The following MSI2 variants were observed in gnomAD, a reference collection of about 807,000 sequenced individuals.
MSI2 encodes the protein RNA-binding protein Musashi homolog 2.
MSI2 carries 17 observed loss-of-function variants against 45.6 expected under a neutral mutation model. The ratio of observed to expected loss-of-function variants is 0.37; its 90% CI spans 0.26 to 0.56. MSI2 has a LOEUF of 0.56. Among genes scored for constraint, MSI2 ranks in the 20% least tolerant of loss-of-function variants. The pLI is 0.77. For missense variants in MSI2, 293 were observed against 444.2 expected, an observed-to-expected ratio of 0.66 and a Z score of 3.06; for synonymous variants, 156 against 158.2, an observed-to-expected ratio of 0.99 and a Z score of 0.11.
At chr17:57,572,022 A>C (rs1421560009) in intron 7 of MSI2, among the ~76,000 whole-genome samples, 1 of 152,178 alleles carries the variant, frequency 6.6e-6, no homozygotes. Flanking sequence ...TCTGTGCTTC[A>C]GTGGGTGTGG....
chr17:57,371,914 T>C (rs1383681185), intron 5 of MSI2, among the ~76,000 whole-genome samples: 1 of 151,232 alleles, frequency 6.6e-6, no homozygotes, highest in Non-Finnish European at 1.5e-5. Context: ...ATATGAGATA[T>C]ATAATCTCCT....
chr17:57,439,900 G>T (rs1484246014), intron 6 of MSI2, among the ~76,000 whole-genome samples: 2 of 152,034 alleles, frequency 1.3e-5, no homozygotes, highest in African/African-American at 4.8e-5. Flanking sequence ...GAAGAGAATT[G>T]AGAAATTCCT....
rs1913647865 is a variant in MSI2 at position 57,682,248 on chromosome 17, G to C, written c.*2731G>C. The C allele has an allele frequency of 5.4e-6, 1 of 186,846 alleles. No individual in the cohort carries two copies. The highest frequency in any genetic ancestry group is 2.0e-4 in the South Asian group (1 of 4,992). 11.6% of individuals were successfully genotyped at this position (186,846 alleles called of 1,614,324 possible). On this transcript the variant is annotated 3_prime_UTR_variant, in exon 14 of 14. Transcript: ENST00000284073. ...AGTTTAATTTTATTTTAGCTGATCT[G>C]ATGTGGTTTCAACTAACCCAAGGTC... is the stretch of plus-strand genomic sequence containing the variant.
At chr17:57,487,969 C>G (rs926437669) in intron 6 of MSI2, among the ~76,000 whole-genome samples, 5 of 151,948 alleles carry the variant, frequency 3.3e-5, no homozygotes, top group African/African-American at 4.8e-5. Context: ...CATCATGTCA[C>G]TAGATGGTGA....
chr17:57,551,789 C>T lies in MSI2; in HGVS notation c.454+22065C>T, dbSNP rs567511892. ...GGAAGGAAGGGATTTAAAAAGATCA[C>T]GGGCGTGAAAGCTGGAAACAGTGGC... On this transcript the variant is annotated intron_variant, in intron 7 of 13. Transcript: ENST00000284073. Among the ~76,000 whole-genome samples, 296 of 152,296 alleles carry T rather than the reference C, an allele frequency of 1.9e-3. 1 individual carries two copies. Among genetic ancestry groups the T allele is most frequent in the African/African-American group, 6.7e-3 (280 of 41,558 alleles).
intron 6 of MSI2, chr17:57,444,571 A>C: frequency 6.7e-6 from 1 of 150,278 alleles, no homozygotes. Context: ...ACAGAGCAAG[A>C]CTCCGTCTCA....
intron 10 of MSI2, chr17:57,631,589 C>G: frequency 3.6e-6 from 2 of 562,952 alleles, no homozygotes; most frequent in East Asian, 3.0e-5. Flanking sequence ...TCTAGAAAGG[C>G]TGGGTGGTGA....
chr17:57,441,708 C>T (rs1453894813), intron 6 of MSI2, among the ~76,000 whole-genome samples: 7 of 152,088 alleles, frequency 4.6e-5, no homozygotes, highest in Admixed American at 2.0e-4. Flanking sequence ...TCTTCCTTTT[C>T]GTTGTTATTT....
intron 5 of MSI2, chr17:57,365,145 G>A (rs538406704): frequency 6.6e-6 from 1 of 152,310 alleles, no homozygotes; most frequent in East Asian, 1.9e-4. Flanking sequence ...AATGTATCCT[G>A]TGTTGAGATT....
In MSI2 at chr17:57,612,246, C is replaced by T. The variant is rs1193881076; in HGVS notation, c.538-3724C>T. ...GAGAACAAGACAGTCAGAGCCTCTT[C>T]TTTTTCAATACAATGAGAGCTCTCA... On this transcript the variant is annotated intron_variant, in intron 8 of 13. Coordinates refer to ENST00000284073, the MANE Select transcript of MSI2 (RefSeq NM_138962.4). Among the ~76,000 whole-genome samples, 4 of 95,494 alleles carry T rather than the reference C, an allele frequency of 4.2e-5. 1 individual carries two copies. In the East Asian group the frequency reaches 1.1e-3, roughly 25 times the overall value. 62.6% of individuals were successfully genotyped at this position (95,494 alleles called of 152,430 possible).
At chr17:57,457,568 A>G (rs2085139890) in intron 6 of MSI2, among the ~76,000 whole-genome samples, 1 of 152,094 alleles carries the variant, frequency 6.6e-6, no homozygotes, top group Admixed American at 6.6e-5. Flanking sequence ...GTCTTGAAAA[A>G]TATGTTTCCC....
intron 6 of MSI2, among the ~76,000 whole-genome samples, chr17:57,412,778 CCT>C: frequency 6.6e-6 from 1 of 152,248 alleles, no homozygotes; most frequent in South Asian, 2.1e-4. Context: ...TTTCATACCC[CCT>C]TGGCTGAGCA....
At chr17:57,638,043 C>T (rs1004833099) in intron 10 of MSI2, among the ~76,000 whole-genome samples, 2 of 152,232 alleles carry the variant, frequency 1.3e-5, no homozygotes, top group African/African-American at 4.8e-5. Context: ...AAGGCTGCAA[C>T]TTAAAAAACA....
chr17:57,481,033 T>C (rs1457117913), intron 6 of MSI2, among the ~76,000 whole-genome samples: 1 of 152,192 alleles, frequency 6.6e-6, no homozygotes, highest in Non-Finnish European at 1.5e-5. Context: ...TAGTACAGGA[T>C]GGTATACACA....
chr17:57,424,595 G>A (rs189119707), intron 6 of MSI2, among the ~76,000 whole-genome samples: 21 of 152,308 alleles, frequency 1.4e-4, no homozygotes, highest in African/African-American at 4.6e-4. Flanking sequence ...AGGCTTGGGA[G>A]CCATTAACAC....
chr17:57,449,279 C>A (rs1455561859), intron 6 of MSI2: 1 of 152,286 alleles, frequency 6.6e-6, no homozygotes. Flanking sequence ...GGTCTCATCT[C>A]TATCCCCACT....
chr17:57,552,957 G>C lies in MSI2; in HGVS notation c.454+23233G>C, dbSNP rs991758065. 6.6e-6 allele frequency among the ~76,000 whole-genome samples: 1 copy of C among 152,186 alleles called. No homozygotes were observed. Among genetic ancestry groups the C allele is most frequent in the African/African-American group, 2.4e-5 (1 of 41,432 alleles). ...ACTTCTCTTTTGAGAGGCTGATACT[G>C]GTCTTTGAATGAACTCTTTACCCCA... On this transcript the variant is annotated intron_variant, in intron 7 of 13. Coordinates refer to ENST00000284073, the MANE Select transcript of MSI2 (RefSeq NM_138962.4). The surrounding 1 kb of genome is among the most constrained non-coding windows in gnomAD (Gnocchi z 4.3).
intron 5 of MSI2, among the ~76,000 whole-genome samples, chr17:57,293,020 A>G (rs1910558927): frequency 6.6e-6 from 1 of 152,170 alleles, no homozygotes. Flanking sequence ...TTCTGAACCA[A>G]TAAATAAGAC....
chr17:57,607,444 G>GACT (rs1906731290), intron 8 of MSI2, among the ~76,000 whole-genome samples: 1 of 152,222 alleles, frequency 6.6e-6, no homozygotes, highest in Non-Finnish European at 1.5e-5. Context: ...TGCATGGGCA[G>GACT]GTCCCACATC....
Sources: allele counts gnomAD v4.1 joint callset (sites outside exome capture counted in the v4.1 genomes callset), GRCh38; gene constraint gnomAD v4.1.1; non-coding constraint Gnocchi (gnomAD v3.1); transcripts MANE v1.5; gene names NCBI Gene and HGNC (gene_info 2026-07-23, HGNC 2026-07-21).